MEI4: variants seen among roughly 807,000 people sequenced by gnomAD.
MEI4 encodes the protein meiotic double-stranded break formation protein 4.
MEI4 carries 27 observed loss-of-function variants against 31.4 expected under a neutral mutation model. The ratio of observed to expected loss-of-function variants is 0.86; its 90% CI spans 0.63 to 1.19. MEI4 has a LOEUF of 1.19. Among genes scored for constraint, MEI4 ranks in the 50% most tolerant of loss-of-function variants. The pLI is 0.00. For synonymous variants in MEI4, 122 were observed against 145.4 expected, an observed-to-expected ratio of 0.84 and a Z score of 1.16; for missense variants, 329 against 398.9, an observed-to-expected ratio of 0.82 and a Z score of 1.49.
chr6:77,832,804 T>C (rs890755751), intron 4 of MEI4, among the ~76,000 whole-genome samples: 8 of 152,142 alleles, frequency 5.3e-5, no homozygotes, highest in Non-Finnish European at 1.2e-4. Context: ...TGTATTTCAC[T>C]AACACCATTT....
chr6:77,859,800 T>G (rs1770826595), intron 4 of MEI4, among the ~76,000 whole-genome samples: 1 of 152,204 alleles, frequency 6.6e-6, no homozygotes, highest in African/African-American at 2.4e-5. Flanking sequence ...AATGCAATAT[T>G]TGGTGATTCC....
intron 2 of MEI4, among the ~76,000 whole-genome samples, chr6:77,709,012 C>T (rs1353442724): frequency 6.6e-6 from 1 of 152,052 alleles, no homozygotes; most frequent in Non-Finnish European, 1.5e-5. Flanking sequence ...TGACCGTGAC[C>T]CTTATAAAGG....
At position 77,761,539 on chromosome 6, in the gene MEI4, TAC is replaced by T. The variant is rs1418618384; in HGVS notation, c.643_644del (p.Thr215PhefsTer3). On this transcript the variant is annotated frameshift_variant, in exon 3 of 5. Transcript: ENST00000684080. LOFTEE classifies it high-confidence loss of function. ...CAAGATTTTGGACAGAAGCTGTTGG[TAC>T]TTTAGCTAGTCTGATCAGTGACTAT... ...FSRFWTEAVG[T>X]LASLISDYNL... is the part of the protein sequence containing the mutation. 8.1e-6 allele frequency: 10 copies of T among 1,232,144 alleles called. No individual in the cohort carries two copies. Among genetic ancestry groups the T allele is most frequent in the Non-Finnish European group, 9.1e-6 (9 of 987,918 alleles). The allele number at this position is 1,232,144 out of a possible 1,614,324, so 76.3% of individuals were successfully genotyped here.
chr6:77,667,278 TC>T (rs1281459930), intron 1 of MEI4, among the ~76,000 whole-genome samples: 1 of 152,184 alleles, frequency 6.6e-6, no homozygotes, highest in Non-Finnish European at 1.5e-5. Flanking sequence ...TTGTTACATT[TC>T]CCTTTGAGGC....
chr6:77,814,139 A>G lies in MEI4; in HGVS notation c.769-14792A>G, dbSNP rs191408741. Among the ~76,000 whole-genome samples, 309 of 152,212 alleles carry G rather than the reference A, an allele frequency of 2.0e-3. 3 individuals are homozygous for G. The highest frequency in any genetic ancestry group is 0.016 in the East Asian group (85 of 5,164). ...GTCTGGGGTTCAACAAACTAAGTAC[A>G]TCTAACATAGGGGCATCTCAGTAAG... On this transcript the variant is annotated intron_variant, in intron 3 of 4. Coordinates refer to ENST00000684080, the MANE Select transcript of MEI4 (RefSeq NM_001322247.2).
chr6:77,888,506 T>G (rs375035799), intron 4 of MEI4, among the ~76,000 whole-genome samples: 3 of 152,170 alleles, frequency 2.0e-5, no homozygotes, highest in Non-Finnish European at 4.4e-5. Context: ...CAGGACTGCC[T>G]TAAGTGTTTC....
intron 3 of MEI4, among the ~76,000 whole-genome samples, chr6:77,825,221 A>C (rs1406438373): frequency 6.6e-6 from 1 of 152,156 alleles, no homozygotes; most frequent in Non-Finnish European, 1.5e-5. Flanking sequence ...ACCTAACAAA[A>C]TATTATGTTC....
chr6:77,748,286 C>A (rs1582097921), intron 2 of MEI4, among the ~76,000 whole-genome samples: 1 of 152,328 alleles, frequency 6.6e-6, no homozygotes, highest in Non-Finnish European at 1.5e-5. Context: ...AGACTTCTGC[C>A]TGGACATCCA....
intron 2 of MEI4, among the ~76,000 whole-genome samples, chr6:77,745,197 C>A (rs2127674752): frequency 6.6e-6 from 1 of 152,136 alleles, no homozygotes; most frequent in Middle Eastern, 3.4e-3. Context: ...GAGTCAAGAC[C>A]CATCAGTGTG....
chr6:77,803,820 C>T (rs1000015377), intron 3 of MEI4, among the ~76,000 whole-genome samples: 37 of 152,128 alleles, frequency 2.4e-4, no homozygotes, highest in African/African-American at 8.4e-4. Flanking sequence ...GCTGCCCGAT[C>T]GTTCCTATGG....
chr6:77,862,587 C>A (rs1248286434), intron 4 of MEI4, among the ~76,000 whole-genome samples: 3 of 152,212 alleles, frequency 2.0e-5, no homozygotes, highest in African/African-American at 7.2e-5. Context: ...AGAGCTCTAA[C>A]TGGGGGGAGC....
At chr6:77,776,581 G>A (rs1389112291) in intron 3 of MEI4, among the ~76,000 whole-genome samples, 2 of 152,052 alleles carry the variant, frequency 1.3e-5, no homozygotes, top group African/African-American at 4.8e-5. Flanking sequence ...ATGTAAAACT[G>A]GAACTCTTAC....
intron 4 of MEI4, among the ~76,000 whole-genome samples, chr6:77,858,373 T>C (rs1187795442): frequency 6.6e-6 from 1 of 152,120 alleles, no homozygotes; most frequent in Non-Finnish European, 1.5e-5. Flanking sequence ...AAATAAATAA[T>C]AATATTATTC....
At chr6:77,722,116 A>T (rs2127663791) in intron 2 of MEI4, among the ~76,000 whole-genome samples, 1 of 138,404 alleles carries the variant, frequency 7.2e-6, no homozygotes, top group Non-Finnish European at 1.6e-5. Flanking sequence ...GGATGGTAAA[A>T]AAGCAATCCT....
At chr6:77,794,438 C>T (rs1233590854) in intron 3 of MEI4, among the ~76,000 whole-genome samples, 1 of 152,044 alleles carries the variant, frequency 6.6e-6, no homozygotes, top group African/African-American at 2.4e-5. Context: ...TGGTGGGTGC[C>T]TGTAGTCCCA....
At chr6:77,745,885 A>T (rs1767585919) in intron 2 of MEI4, among the ~76,000 whole-genome samples, 1 of 152,252 alleles carries the variant, frequency 6.6e-6, no homozygotes, top group African/African-American at 2.4e-5. Flanking sequence ...GTACATAATG[A>T]AATGAAGGGA....
At chr6:77,655,403 T>C (rs1298714756) in intron 1 of MEI4, among the ~76,000 whole-genome samples, 1 of 152,208 alleles carries the variant, frequency 6.6e-6, no homozygotes, top group African/African-American at 2.4e-5. Flanking sequence ...TAGTTAAGCA[T>C]GAGCCCTCCA....
intron 4 of MEI4, among the ~76,000 whole-genome samples, chr6:77,844,221 C>G (rs1174192614): frequency 2.6e-5 from 4 of 152,084 alleles, no homozygotes; most frequent in Non-Finnish European, 5.9e-5. Flanking sequence ...TTGTCTTTCT[C>G]TTGTCACAGT....
intron 3 of MEI4, among the ~76,000 whole-genome samples, chr6:77,807,316 T>C (rs940727415): frequency 6.6e-6 from 1 of 152,080 alleles, no homozygotes. Context: ...TTAAAAGTTA[T>C]TTGAGAAATA....
Sources: allele counts gnomAD v4.1 joint callset (sites outside exome capture counted in the v4.1 genomes callset), GRCh38; gene constraint gnomAD v4.1.1; transcripts MANE v1.5; gene names NCBI Gene and HGNC (gene_info 2026-07-23, HGNC 2026-07-21).